Variants in ACOXL observed in about 807,000 individuals in gnomAD.
ACOXL encodes the protein acyl-CoA oxidase like, also known as acyl-coenzyme A oxidase-like protein.
In ACOXL, 70 loss-of-function variants were observed where a neutral mutation model predicts 71.9. The ratio of observed to expected loss-of-function variants is 0.97; its 90% CI spans 0.80 to 1.19. The LOEUF (loss-of-function observed/expected upper bound fraction) is 1.19. ACOXL is among the 50% of genes most tolerant of loss of function. ACOXL has a pLI of 0.00. For missense variants in ACOXL, 703 were observed against 736.3 expected (o/e 0.95, Z 0.52); for synonymous variants, 253 against 281.6 (o/e 0.90, Z 1.02).
intron 14 of ACOXL, among the ~76,000 whole-genome samples, chr2:111,003,482 C>G (rs928283808): frequency 7.8e-6 from 1 of 128,842 alleles, no homozygotes; most frequent in Non-Finnish European, 1.6e-5. Context: ...ACCCAGGAGG[C>G]GGAGGTTGCA....
chr2:110,994,287 T>C (rs1391772816), intron 13 of ACOXL, among the ~76,000 whole-genome samples: 1 of 152,198 alleles, frequency 6.6e-6, no homozygotes, highest in Middle Eastern at 3.2e-3. Context: ...AACATTGACA[T>C]CTTTTAAATG....
intron 12 of ACOXL, among the ~76,000 whole-genome samples, chr2:110,964,035 G>A (rs144369600): frequency 1.6e-4 from 25 of 152,260 alleles, no homozygotes; most frequent in African/African-American, 5.5e-4. Flanking sequence ...ACAAAAGAAC[G>A]GCAATGGATC....
At chr2:111,008,165 T>C (rs1312147515) in intron 14 of ACOXL, among the ~76,000 whole-genome samples, 1 of 152,258 alleles carries the variant, frequency 6.6e-6, no homozygotes, top group Admixed American at 6.5e-5. Flanking sequence ...TGTGGTTTTA[T>C]TACTTATAAC....
intron 10 of ACOXL, among the ~76,000 whole-genome samples, chr2:110,850,849 A>G (rs529759879): frequency 1.3e-5 from 2 of 152,350 alleles, no homozygotes; most frequent in Admixed American, 6.5e-5. Context: ...ACGTTAGTGC[A>G]CACCAAGACG....
intron 12 of ACOXL, among the ~76,000 whole-genome samples, chr2:110,955,680 C>T (rs1455924605): frequency 6.6e-6 from 1 of 152,094 alleles, no homozygotes; most frequent in African/African-American, 2.4e-5. Context: ...TCACCTCCAG[C>T]CCAGCCTTCT....
At chr2:110,764,079 G>A (rs954939323) in intron 1 of ACOXL, among the ~76,000 whole-genome samples, 4 of 152,184 alleles carry the variant, frequency 2.6e-5, no homozygotes, top group African/African-American at 9.7e-5. Flanking sequence ...TTCATTGCTG[G>A]TAAGAATGCA....
intron 10 of ACOXL, among the ~76,000 whole-genome samples, chr2:110,850,780 A>G (rs1177442753): frequency 6.6e-6 from 1 of 152,216 alleles, no homozygotes; most frequent in African/African-American, 2.4e-5. Context: ...GATGTTAAAC[A>G]TACCTTTACC....
intron 2 of ACOXL, among the ~76,000 whole-genome samples, chr2:110,783,600 A>T (rs1248278261): frequency 6.6e-6 from 1 of 151,602 alleles, no homozygotes. Context: ...CTGGTGGAGC[A>T]GTGTAGAAAC....
At chr2:110,747,772 G>A (rs1255640801) in intron 1 of ACOXL, among the ~76,000 whole-genome samples, 1 of 152,038 alleles carries the variant, frequency 6.6e-6, no homozygotes, top group African/African-American at 2.4e-5. Flanking sequence ...TATGGCTTGT[G>A]TTGTTGTCTT....
chr2:110,851,715 C>T (rs534567745), intron 10 of ACOXL, among the ~76,000 whole-genome samples: 20 of 152,300 alleles, frequency 1.3e-4, no homozygotes, highest in East Asian at 7.7e-4. Context: ...GCCCTCAGGG[C>T]GCTGGGATGA....
Position 111,117,657 on chromosome 2 carries a change from G to T in ACOXL, c.1584G>T (p.Arg528Ser). ...LCDSVKDDAR[R>S]VISTFNIPHT... ...ACTCGGTGAAGGATGATGCCCGGAG[G>T]GTGATCTCGACCTTTAACATTCCAC... is the stretch of plus-strand genomic sequence containing the variant. Residue 528 changes from arginine to serine, a missense_variant, in exon 18 of 18, where the codon AGG becomes AGT. Coordinates refer to ENST00000439055, the MANE Select transcript of ACOXL (RefSeq NM_001142807.4). 1 of 1,551,752 alleles carries T rather than the reference G, an allele frequency of 6.4e-7. No individual in the cohort carries two copies. The highest frequency in any genetic ancestry group is 1.2e-5 in the South Asian group (1 of 84,064).
chr2:110,854,119 G>GTGCATGTGTGTGTGTGTCTGTT (rs1213795666), intron 10 of ACOXL, among the ~76,000 whole-genome samples: 1 of 152,144 alleles, frequency 6.6e-6, no homozygotes, highest in Non-Finnish European at 1.5e-5. Context: ...CTGTGTGCGT[G>GTGCATGTGTGTGTGTGTCTGTT]TGCATGTGTG....
chr2:110,879,392 G>A (rs1194811201), intron 10 of ACOXL, among the ~76,000 whole-genome samples: 1 of 152,138 alleles, frequency 6.6e-6, no homozygotes, highest in East Asian at 1.9e-4. Flanking sequence ...AAATGATGTA[G>A]CCTAGGATTT....
chr2:110,892,558 G>T (rs1698043945), intron 10 of ACOXL, among the ~76,000 whole-genome samples: 1 of 152,006 alleles, frequency 6.6e-6, no homozygotes. Context: ...TGCTCGGAGG[G>T]GTGGTTATTA....
intron 12 of ACOXL, among the ~76,000 whole-genome samples, chr2:110,936,517 C>T (rs2060668625): frequency 6.6e-6 from 1 of 152,014 alleles, no homozygotes; most frequent in Admixed American, 6.5e-5. Context: ...CCATCACACC[C>T]TCCCAAAGTG....
chr2:110,970,252 C>G (rs1387753556), intron 12 of ACOXL, among the ~76,000 whole-genome samples: 1 of 152,170 alleles, frequency 6.6e-6, no homozygotes, highest in Admixed American at 6.5e-5. Context: ...AAAATATTAA[C>G]AAATTGAATC....
chr2:110,840,144 C>A (rs1690980263), intron 9 of ACOXL, among the ~76,000 whole-genome samples: 1 of 152,150 alleles, frequency 6.6e-6, no homozygotes. Context: ...GTGCCCGCCA[C>A]CGCACCTGGC....
chr2:110,883,612 C>A (rs181133368), intron 10 of ACOXL, among the ~76,000 whole-genome samples: 1 of 152,330 alleles, frequency 6.6e-6, no homozygotes, highest in Non-Finnish European at 1.5e-5. Context: ...CCAGCATCAT[C>A]TTGGGTTACT....
intron 9 of ACOXL, among the ~76,000 whole-genome samples, chr2:110,811,421 G>GA (rs1234029662): frequency 1.4e-4 from 21 of 152,330 alleles, no homozygotes; most frequent in African/African-American, 5.1e-4. Context: ...TGGCATAACA[G>GA]AGGGTGATGG....
Sources: gnomAD v4.1 joint callset for allele counts (sites outside exome capture counted in the v4.1 genomes callset) on GRCh38, gnomAD v4.1.1 for gene constraint, MANE v1.5 for transcripts, NCBI Gene and HGNC (gene_info 2026-07-23, HGNC 2026-07-21) for gene names.